KIAA1191: variants seen among roughly 807,000 people sequenced by gnomAD.
The protein encoded by KIAA1191 is KIAA1191, also known as putative monooxygenase p33MONOX.
Under a neutral mutation model 31.1 loss-of-function variants are expected in KIAA1191, and 22 were observed. The ratio of observed to expected loss-of-function variants is 0.71; its 90% CI spans 0.51 to 1.01. The LOEUF (loss-of-function observed/expected upper bound fraction) is 1.01. Ranked by LOEUF, KIAA1191 falls within the 50% of genes least tolerant of loss-of-function variation. The pLI, the probability that KIAA1191 is intolerant of heterozygous loss-of-function variation, is 0.00. For synonymous variants in KIAA1191, 130 were observed against 143.9 expected, an observed-to-expected ratio of 0.90 and a Z score of 0.69; for missense variants, 319 against 388.0, an observed-to-expected ratio of 0.82 and a Z score of 1.49.
chr5:176,358,152 G>A (rs1767662197), intron 3 of KIAA1191, among the ~76,000 whole-genome samples: 1 of 152,312 alleles, frequency 6.6e-6, no homozygotes, highest in Non-Finnish European at 1.5e-5. Flanking sequence ...ATTAAGGGTT[G>A]CTGTGAGCAT....
intron 5 of KIAA1191, among the ~76,000 whole-genome samples, 197 bp downstream of exon 5, chr5:176,352,425 A>G (rs927396654): frequency 8.5e-5 from 13 of 152,244 alleles, no homozygotes; most frequent in African/African-American, 3.1e-4. Flanking sequence ...CCTAAATCAG[A>G]TAAGATGCTT....
At chr5:176,357,098 G>C (rs1304222950) in intron 3 of KIAA1191, 2 of 152,240 alleles carry the variant, frequency 1.3e-5, no homozygotes, top group East Asian at 3.9e-4. Context: ...CTGAGGTCAG[G>C]CGTTCCGGCC....
At chr5:176,350,083 A>G (rs1766854512) in intron 6 of KIAA1191, among the ~76,000 whole-genome samples, 1 of 152,216 alleles carries the variant, frequency 6.6e-6, no homozygotes. Flanking sequence ...GGAGAAGAGC[A>G]TCTGTCCCAA....
Position 176,352,616 on chromosome 5 carries a change from GCTTA to G in KIAA1191, c.334+2_334+5del. 1.2e-6 allele frequency: 2 copies of G among 1,613,010 alleles called. No homozygotes were observed. The highest frequency in any genetic ancestry group is 1.7e-6 in the Non-Finnish European group (2 of 1,179,398). Reference sequence around the variant, plus strand: ...GCACTCTACTCTGAGGGTGAAGAGTGCTTACTTGTGATCAGAGAATTCATGATGA... The same window carrying G: ...GCACTCTACTCTGAGGGTGAAGAGTGCTTGTGATCAGAGAATTCATGATGA... On this transcript the variant is annotated splice_donor_variant and splice_donor_5th_base_variant and intron_variant, in intron 5 of 8. Transcript: ENST00000298569. LOFTEE classifies it high-confidence loss of function.
Position 176,347,812 on chromosome 5 carries a change from CAA to C in KIAA1191, c.710-6_710-5del. On this transcript the variant is annotated splice_polypyrimidine_tract_variant and splice_region_variant and intron_variant, in intron 8 of 8. Transcript: ENST00000298569. Reference sequence around the variant, plus strand: ...TAGGCCTGGGTGGCAAAACTTCCTACAAAAGTGAACCAGAGTGCAAATGATTT... The same window carrying C: ...TAGGCCTGGGTGGCAAAACTTCCTACAAGTGAACCAGAGTGCAAATGATTT... The C allele has an allele frequency of 6.3e-7, 1 of 1,599,928 alleles. No individual in the cohort carries two copies. Among genetic ancestry groups the C allele is most frequent in the Non-Finnish European group, 8.5e-7 (1 of 1,172,896 alleles).
chr5:176,347,922 A>C lies in KIAA1191; in HGVS notation c.708T>G (p.Ser236=), dbSNP rs145443131. 2.8e-4 allele frequency: 455 copies of C among 1,614,176 alleles called. 5 individuals are homozygous for C. The African/African-American group carries it at 3.6e-3, about 13-fold the overall frequency. ...TCTTTTTTGAAGGTGCTGCCTTACC[A>C]GAATCGTACTTCTGAAGGGATCTCG... ...FGPRSLQKYD[S]GSFATQAYRG... The change falls in exon 8 of 9, where the codon TCT becomes TCG. Residue 236 remains serine (S), a splice_region_variant and synonymous_variant. Coordinates refer to ENST00000298569, the MANE Select transcript of KIAA1191 (RefSeq NM_020444.5).
chr5:176,352,286 C>T (rs1767102555), intron 5 of KIAA1191, among the ~76,000 whole-genome samples: 1 of 152,166 alleles, frequency 6.6e-6, no homozygotes, highest in African/African-American at 2.4e-5. Context: ...CCTTCTGATC[C>T]TCACCTCAAC....
intron 5 of KIAA1191, among the ~76,000 whole-genome samples, chr5:176,351,289 C>T (rs771971253): frequency 2.0e-5 from 3 of 148,872 alleles, no homozygotes; most frequent in Non-Finnish European, 3.0e-5. Flanking sequence ...TGCAGTGAGT[C>T]GAGATCGTGC....
At chr5:176,349,910 C>G (rs1183186919) in intron 6 of KIAA1191, among the ~76,000 whole-genome samples, 3 of 152,108 alleles carry the variant, frequency 2.0e-5, no homozygotes, top group Non-Finnish European at 4.4e-5. Context: ...CACAATCTGC[C>G]CCTGACTTCC....
At chr5:176,357,993 C>T (rs1383447175) in intron 3 of KIAA1191, among the ~76,000 whole-genome samples, 2 of 152,022 alleles carry the variant, frequency 1.3e-5, no homozygotes, top group African/African-American at 4.8e-5. Context: ...TTCACAACCC[C>T]GAGAGATAGG....
chr5:176,354,288 C>G (rs1767304384), intron 4 of KIAA1191: 2 of 152,280 alleles, frequency 1.3e-5, no homozygotes, highest in South Asian at 2.1e-4. Context: ...GGCAGACCAC[C>G]TGGGACTCAC....
At chr5:176,348,486 G>A (rs1202216339) in intron 6 of KIAA1191, 130 bp from the exon 7 acceptor site, 22 of 646,090 alleles carry the variant, frequency 3.4e-5, no homozygotes, top group Non-Finnish European at 4.3e-5. Flanking sequence ...GAATGATTTC[G>A]GATGATCTAA....
chr5:176,360,552 G>C (rs1274018451), intron 1 of KIAA1191, among the ~76,000 whole-genome samples: 1 of 151,972 alleles, frequency 6.6e-6, no homozygotes, highest in Non-Finnish European at 1.5e-5. Context: ...TGTAATCCCA[G>C]CATTTTGCGA....
chr5:176,358,394 G>C (rs960467667), intron 3 of KIAA1191, among the ~76,000 whole-genome samples: 2 of 152,298 alleles, frequency 1.3e-5, no homozygotes, highest in Admixed American at 1.3e-4. Context: ...TCATACTATG[G>C]CTGAGCGGCT....
intron 6 of KIAA1191, 44 bp downstream of exon 6, chr5:176,350,569 T>C (rs373884677): frequency 2.5e-6 from 4 of 1,604,196 alleles, no homozygotes; most frequent in Non-Finnish European, 2.6e-6. Flanking sequence ...TTTCAAGCCA[T>C]GAACACTGAA....
intron 5 of KIAA1191, 132 bp from the exon 6 acceptor site, chr5:176,350,869 C>A (rs1766934103): frequency 4.5e-6 from 5 of 1,102,594 alleles, no homozygotes; most frequent in Non-Finnish European, 5.1e-6. Flanking sequence ...AGGAGACTTT[C>A]CCCAGAGAGG....
chr5:176,350,323 C>A (rs1427602001), intron 6 of KIAA1191, among the ~76,000 whole-genome samples: 1 of 152,232 alleles, frequency 6.6e-6, no homozygotes, highest in Non-Finnish European at 1.5e-5. Flanking sequence ...GCTGTTACCT[C>A]TGTTGAGGCT....
At chr5:176,359,784 C>G in intron 2 of KIAA1191, 27 bp downstream of exon 2, 1 of 364,574 alleles carries the variant, frequency 2.7e-6, no homozygotes, top group East Asian at 4.5e-5. Flanking sequence ...AGCTAAGATG[C>G]CATACATGGT....
intron 3 of KIAA1191, among the ~76,000 whole-genome samples, chr5:176,357,893 T>G (rs1442847116): frequency 1.3e-5 from 2 of 152,198 alleles, no homozygotes; most frequent in Non-Finnish European, 2.9e-5. Flanking sequence ...GAAAATATGT[T>G]CATATAAAGA....
Sources: gnomAD v4.1 joint callset for allele counts (sites outside exome capture counted in the v4.1 genomes callset) on GRCh38, gnomAD v4.1.1 for gene constraint, MANE v1.5 for transcripts, NCBI Gene and HGNC (gene_info 2026-07-23, HGNC 2026-07-21) for gene names.